The following CFAP65 variants were observed in gnomAD, a reference collection of about 807,000 sequenced individuals.
CFAP65 encodes the protein cilia- and flagella-associated protein 65.
In CFAP65, 155 loss-of-function variants were observed where a neutral mutation model predicts 208.0. The ratio of observed to expected loss-of-function variants is 0.75; its 90% confidence interval spans 0.65 to 0.85. The LOEUF (loss-of-function observed/expected upper bound fraction) is 0.85, where lower values mean the gene tolerates loss of function less well. CFAP65 is among the 40% of genes least tolerant of loss of function. The probability of loss-of-function intolerance (pLI) is 0.00; values close to 1 mark genes in which losing one functional copy is unlikely to be tolerated. For synonymous variants in CFAP65, 970 were observed against 986.3 expected, an observed-to-expected ratio of 0.98 and a Z score of 0.31; for missense variants, 2,294 against 2,451.3, an observed-to-expected ratio of 0.94 and a Z score of 1.36.
chr2:219,040,490 G>T, intron 2 of CFAP65, 29 bp downstream of exon 2: 2 of 1,147,090 alleles, frequency 1.7e-6, no homozygotes, highest in Non-Finnish European at 1.3e-6. Flanking sequence ...ACTGTGCTAG[G>T]CACCAGACAA....
At chr2:219,013,490 A>G (rs1443477583) in intron 23 of CFAP65, 29 bp downstream of exon 23, 1 of 1,585,252 alleles carries the variant, frequency 6.3e-7, no homozygotes, top group Non-Finnish European at 8.6e-7. Flanking sequence ...GCCTGAAACT[A>G]GGGCAGGGCC....
chr2:219,033,310 A>C (rs995052656), intron 5 of CFAP65, among the ~76,000 whole-genome samples: 7 of 152,050 alleles, frequency 4.6e-5, no homozygotes, highest in African/African-American at 1.7e-4. Flanking sequence ...GTCTATACCA[A>C]AATTTTTTTT....
rs1948050069 is a variant in CFAP65 at position 219,031,684 on chromosome 2, A to C, written c.646-26T>G. The stretch of plus-strand genomic sequence containing the variant: ...CTGCAGTGTGAGGCGGGGCAGGGGC[A>C]GTCACCCATCAGTGGCATTCAGGGA... On this transcript the variant is annotated intron_variant, in intron 6 of 34. Coordinates refer to ENST00000341552, the MANE Select transcript of CFAP65 (RefSeq NM_194302.4). The surrounding 1 kb of genome is among the most constrained non-coding windows in gnomAD (Gnocchi z 5.2). The C allele has an allele frequency of 6.3e-7, 1 of 1,576,368 alleles. No homozygotes were observed. Among genetic ancestry groups the C allele is most frequent in the Non-Finnish European group, 8.6e-7 (1 of 1,159,650 alleles).
chr2:219,034,278 A>G (rs1948220747), intron 5 of CFAP65: 1 of 152,202 alleles, frequency 6.6e-6, no homozygotes, highest in African/African-American at 2.4e-5. Flanking sequence ...TATGTAAGAG[A>G]TCAAAGGGAG....
At chr2:219,009,198 T>C in intron 28 of CFAP65, 44 bp from the exon 29 acceptor site, 2 of 1,574,676 alleles carry the variant, frequency 1.3e-6, no homozygotes, top group Non-Finnish European at 8.7e-7. Context: ...GTCTGGAGCT[T>C]GCCCGGGGCC....
At chr2:219,026,786 A>G in intron 13 of CFAP65, 1 of 986,070 alleles carries the variant, frequency 1.0e-6, no homozygotes, top group Non-Finnish European at 1.2e-6. Context: ...TAGAGCCTGT[A>G]ACCTAAATAT....
rs1354786868 is a variant in CFAP65 at position 219,006,501 on chromosome 2, T to C, written c.4683A>G (p.Thr1561=). The change falls in exon 30 of 35, where the codon ACA becomes ACG. Residue 1561 remains threonine (T), a synonymous_variant. Transcript: ENST00000341552. ...TITDMKVKKR[T]CCTACEPARK... ...TCGCAGGTTCACAGGCTGTGCAGCATGTTCTCTTCTGTGGAAAAAGAGAGA... is the reference window on the plus strand; with the variant it reads ...TCGCAGGTTCACAGGCTGTGCAGCACGTTCTCTTCTGTGGAAAAAGAGAGA... 2 of 1,613,508 alleles carry C rather than the reference T, an allele frequency of 1.2e-6. No individual in the cohort carries two copies. The highest frequency in any genetic ancestry group is 2.2e-5 in the East Asian group (1 of 44,886).
rs375241878 is a variant in CFAP65 at position 219,031,185 on chromosome 2, G to A, written c.936C>T (p.Ala312=). 1.4e-4 allele frequency: 222 copies of A among 1,612,450 alleles called. 1 individual carries two copies. Among genetic ancestry groups the A allele is most frequent in the Non-Finnish European group, 1.7e-4 (196 of 1,179,476 alleles). The change falls in exon 8 of 35, where the codon GCC becomes GCT. Residue 312 remains alanine, a synonymous_variant. Coordinates refer to ENST00000341552, the MANE Select transcript of CFAP65 (RefSeq NM_194302.4). The surrounding 1 kb of genome is among the most constrained non-coding windows in gnomAD (Gnocchi z 5.2). The part of the protein sequence containing the change: ...QIKVTFQPLT[A]VIYEVQATCW... ...ACGTGGCCTGCACCTCGTAGATGAC[G>A]GCTGTAAGGGGCTGAAAGGTCACCT... is the stretch of plus-strand genomic sequence containing the variant.
Position 219,003,331 on chromosome 2 carries a change from C to T in CFAP65, c.5556-59G>A, listed in dbSNP as rs1574499889. ...CGCAGTGCCCGCGCGCCTCCTCGCT[C>T]GCCTGTCCGTGCGGTACATTGTGCC... is the stretch of plus-strand genomic sequence containing the variant. On this transcript the variant is annotated intron_variant, in intron 33 of 34. Coordinates refer to ENST00000341552, the MANE Select transcript of CFAP65 (RefSeq NM_194302.4). The surrounding 1 kb of genome is among the most constrained non-coding windows in gnomAD (Gnocchi z 4.4). 1.4e-6 allele frequency: 2 copies of T among 1,470,562 alleles called. No individual in the cohort carries two copies. Among genetic ancestry groups the T allele is most frequent in the Non-Finnish European group, 1.8e-6 (2 of 1,110,522 alleles). 91.1% of individuals were successfully genotyped at this position (1,470,562 alleles called of 1,614,324 possible). A position where few individuals can be genotyped will look rare whatever the true frequency, so the allele number is the denominator to read the frequency against.
chr2:219,020,708 CTG>C (rs1309940835), intron 19 of CFAP65, among the ~76,000 whole-genome samples: 1 of 152,180 alleles, frequency 6.6e-6, no homozygotes, highest in Non-Finnish European at 1.5e-5. Context: ...CATGTGGAAA[CTG>C]AGCACAGGGA....
chr2:219,023,059 G>C (rs371062958), intron 16 of CFAP65, 148 bp downstream of exon 16: 1 of 687,280 alleles, frequency 1.5e-6, no homozygotes, highest in East Asian at 2.7e-5. Flanking sequence ...GGATGGTGAG[G>C]GTAATAATAA....
intron 4 of CFAP65, among the ~76,000 whole-genome samples, chr2:219,037,463 A>T (rs2106269690): frequency 6.6e-6 from 1 of 152,350 alleles, no homozygotes; most frequent in South Asian, 2.1e-4. Flanking sequence ...TAGTGAAGGA[A>T]CCTGGGAGTT....
chr2:219,022,921 G>A (rs1947362407), intron 16 of CFAP65, among the ~76,000 whole-genome samples: 1 of 152,208 alleles, frequency 6.6e-6, no homozygotes, highest in Non-Finnish European at 1.5e-5. Flanking sequence ...CATGGATGGG[G>A]AGGTGACATG....
Position 219,003,183 on chromosome 2 carries a change from A to G in CFAP65, c.5645T>C (p.Leu1882Pro), listed in dbSNP as rs1165486570. The G allele has an allele frequency of 6.5e-7, 1 of 1,547,832 alleles. No individual in the cohort carries two copies. The highest frequency in any genetic ancestry group is 8.7e-7 in the Non-Finnish European group (1 of 1,145,344). Reference protein sequence around the residue: ...LVEASRGEVVLTSRPRVIALP... With the variant: ...LVEASRGEVVPTSRPRVIALP... ...GGCGATGACGCGTGGCCGCGAGGTGAGTACCACCTCCCCGCGGCTCGCCTC... is the reference window on the plus strand; with the variant it reads ...GGCGATGACGCGTGGCCGCGAGGTGGGTACCACCTCCCCGCGGCTCGCCTC... Residue 1882 changes from leucine (L) to proline (P), a missense_variant, in exon 34 of 35, where the codon CTC becomes CCC. Leu to Pro is a moderately conservative substitution (Grantham distance 98). Coordinates refer to ENST00000341552, the MANE Select transcript of CFAP65 (RefSeq NM_194302.4). The surrounding 1 kb of genome is among the most constrained non-coding windows in gnomAD (Gnocchi z 4.4).
intron 12 of CFAP65, 46 bp downstream of exon 12, chr2:219,028,155 C>G: frequency 6.2e-7 from 1 of 1,601,108 alleles, no homozygotes; most frequent in Non-Finnish European, 8.5e-7. Context: ...TGGGATTGCC[C>G]AAGAATCACT....
chr2:219,015,808 G>A (rs1178737585), intron 21 of CFAP65: 2 of 152,212 alleles, frequency 1.3e-5, no homozygotes, highest in Admixed American at 6.5e-5. Flanking sequence ...TTCCAATAGA[G>A]GAGTGATTTA....
At position 219,026,002 on chromosome 2, in the gene CFAP65, G is replaced by A. The variant is rs1281434924; in HGVS notation, c.2349+20C>T. 6.2e-7 allele frequency: 1 copy of A among 1,611,880 alleles called. No homozygotes were observed. The highest frequency in any genetic ancestry group is 8.5e-7 in the Non-Finnish European group (1 of 1,178,412). ...AGGGCTCCCCTGTCTCCCTCCCACT[G>A]CTGTTGGGGCCACGCTTACCTTGGG... is the stretch of plus-strand genomic sequence containing the variant. On this transcript the variant is annotated intron_variant, in intron 14 of 34. Coordinates refer to ENST00000341552, the MANE Select transcript of CFAP65 (RefSeq NM_194302.4).
rs1299419430 is a variant in CFAP65 at position 219,027,959 on chromosome 2, G to C, written c.1902C>G (p.Thr634=). The C allele has an allele frequency of 6.6e-7, 1 of 1,519,618 alleles. No homozygotes were observed. The highest frequency in any genetic ancestry group is 8.8e-7 in the Non-Finnish European group (1 of 1,134,542). The allele number at this position is 1,519,618 out of a possible 1,614,324, so 94.1% of individuals were successfully genotyped here. A position where few individuals can be genotyped will look rare whatever the true frequency, so the allele number is the denominator to read the frequency against. ...APQYPYIPPM[T]EFFFDGTSDI... is the part of the protein sequence containing the mutation. ...CGCTGGTGCCGTCGAAGAAGAACTC[G>C]GTCATGGGGGGGATATAAGGGTACT... is the stretch of plus-strand genomic sequence containing the variant. Residue 634 remains threonine, a synonymous_variant, in exon 13 of 35, where the codon ACC becomes ACG. Transcript: ENST00000341552.
intron 21 of CFAP65, among the ~76,000 whole-genome samples, chr2:219,016,268 T>G (rs1331564274): frequency 1.3e-5 from 2 of 150,540 alleles, no homozygotes; most frequent in Non-Finnish European, 3.0e-5. Context: ...CACTGCCTTC[T>G]GCCCTGGTCC....
Sources: gnomAD v4.1 joint callset for allele counts (sites outside exome capture counted in the v4.1 genomes callset) on GRCh38, gnomAD v4.1.1 for gene constraint, Gnocchi (gnomAD v3.1) non-coding constraint, MANE v1.5 for transcripts, NCBI Gene and HGNC (gene_info 2026-07-23, HGNC 2026-07-21) for gene names.